Variants in NAB1 observed in about 807,000 individuals in gnomAD.
NAB1 encodes NGFI-A-binding protein 1.
In NAB1, 25 loss-of-function variants were observed where a neutral mutation model predicts 49.9. The observed-to-expected ratio is 0.50, with a 90% CI of 0.37 to 0.70. The LOEUF is 0.70. Among genes scored for constraint, NAB1 ranks in the 30% least tolerant of loss-of-function variants. The pLI, the probability that NAB1 is intolerant of heterozygous loss-of-function variation, is 0.00. For synonymous variants in NAB1, 198 were observed against 215.6 expected, an observed-to-expected ratio of 0.92 and a Z score of 0.71; for missense variants, 489 against 575.9, an observed-to-expected ratio of 0.85 and a Z score of 1.54.
Position 190,683,759 on chromosome 2 carries a change from G to C in NAB1, c.1027G>C (p.Asp343His). 3 of 1,613,220 alleles carry C rather than the reference G, an allele frequency of 1.9e-6. No individual in the cohort carries two copies. Among genetic ancestry groups the C allele is most frequent in the Non-Finnish European group, 2.5e-6 (3 of 1,179,764 alleles). The change falls in exon 7 of 10, where the codon GAT becomes CAT. Residue 343 changes from aspartate to histidine, a missense_variant. By Grantham distance (81) the Asp-to-His change is moderately conservative. This residue lies in a region of NAB1 where 212 missense variants were observed against 199.3 expected (regional missense o/e 1.06). Transcript: ENST00000337386. ...KVEDGFPDFQ[D>H]SVQTLFQQAR... The stretch of plus-strand genomic sequence containing the variant: ...ACAGGATGGGTTTCCAGATTTCCAG[G>C]ATTCTGTGCAAACACTCTTCCAGCA...
intron 2 of NAB1, among the ~76,000 whole-genome samples, chr2:190,650,763 A>G (rs1454005610): frequency 6.6e-6 from 1 of 152,214 alleles, no homozygotes. Flanking sequence ...TATTGGTGTC[A>G]TTTAAGACAT....
rs1309036300 is a variant in NAB1 at position 190,689,627 on chromosome 2, CTG to C, written c.1376-616_1376-615del. 6.6e-6 allele frequency among the ~76,000 whole-genome samples: 1 copy of C among 152,086 alleles called. No individual in the cohort carries two copies. Among genetic ancestry groups the C allele is most frequent in the African/African-American group, 2.4e-5 (1 of 41,414 alleles). ...TAGTGTTTGTGTATGGTTGAAATAACTGTACACATAGAACTCCATGGAATGAT... is the reference window on the plus strand; with the variant it reads ...TAGTGTTTGTGTATGGTTGAAATAACTACACATAGAACTCCATGGAATGAT... On this transcript the variant is annotated intron_variant, in intron 9 of 9. Transcript: ENST00000337386. The surrounding 1 kb of genome is among the most constrained non-coding windows in gnomAD (Gnocchi z 4.3).
chr2:190,672,617 C>G (rs950877233), intron 5 of NAB1, among the ~76,000 whole-genome samples: 1 of 152,008 alleles, frequency 6.6e-6, no homozygotes, highest in Non-Finnish European at 1.5e-5. Flanking sequence ...TAAATTATTC[C>G]TACTGAACCA....
intron 4 of NAB1, among the ~76,000 whole-genome samples, chr2:190,662,989 C>A (rs1694303084): frequency 6.6e-6 from 1 of 152,150 alleles, no homozygotes; most frequent in South Asian, 2.1e-4. Flanking sequence ...CTGAGTGTTT[C>A]AGAGGAGGCC....
Position 190,652,708 on chromosome 2 carries a change from C to T in NAB1, c.-197+2726C>T, listed in dbSNP as rs1481187667. The stretch of plus-strand genomic sequence containing the variant: ...CAGAAGTATCTTGACTTATATGGTA[C>T]ACCACTGAATGCTTACTAATATGTG... On this transcript the variant is annotated intron_variant, in intron 2 of 9. Transcript: ENST00000337386. The surrounding 1 kb of genome is among the most constrained non-coding windows in gnomAD (Gnocchi z 4.2). 1.3e-5 allele frequency among the ~76,000 whole-genome samples: 2 copies of T among 152,160 alleles called. No homozygotes were observed. Among genetic ancestry groups the T allele is most frequent in the African/African-American group, 4.8e-5 (2 of 41,430 alleles).
At position 190,673,836 on chromosome 2, in the gene NAB1, C is replaced by T. The variant is rs10931468; in HGVS notation, c.1005+684C>T. ...TAAGAAAAACATACTTAGGACTCTC[C>T]GAACTATAGAATGGTTTCAGAACTA... On this transcript the variant is annotated intron_variant, in intron 6 of 9. Transcript: ENST00000337386. Among the ~76,000 whole-genome samples the T allele has an allele frequency of 1.8e-4, 27 of 152,094 alleles. No individual in the cohort carries two copies. The Middle Eastern group carries it at 0.014, about 77-fold the overall frequency.
rs181950284 is a variant in NAB1 at position 190,670,143 on chromosome 2, G to A, written c.820-183G>A. Among the ~76,000 whole-genome samples, 1 of 152,170 alleles carries A rather than the reference G, an allele frequency of 6.6e-6. No homozygotes were observed. The highest frequency in any genetic ancestry group is 6.5e-5 in the Admixed American group (1 of 15,278). On this transcript the variant is annotated intron_variant, in intron 4 of 9. Coordinates refer to ENST00000337386, the MANE Select transcript of NAB1 (RefSeq NM_005966.4). The surrounding 1 kb of genome is among the most constrained non-coding windows in gnomAD (Gnocchi z 5.3). ...TTAATTTGGGCTCTGTGAGATGGCA[G>A]ATGAGTTGGTTTTCTTCTGAAATTC... is the stretch of plus-strand genomic sequence containing the variant.
At chr2:190,655,191 G>A (rs1238532869) in intron 2 of NAB1, among the ~76,000 whole-genome samples, 2 of 152,232 alleles carry the variant, frequency 1.3e-5, no homozygotes, top group Non-Finnish European at 2.9e-5. Flanking sequence ...TGTTAAGTGA[G>A]TTTTACTGAA....
intron 6 of NAB1, 152 bp from the exon 7 acceptor site, chr2:190,683,586 A>G: frequency 1.7e-6 from 1 of 579,392 alleles, no homozygotes; most frequent in Non-Finnish European, 3.0e-6. Flanking sequence ...TATGTTTCAT[A>G]AAAGGCTGAA....
intron 6 of NAB1, among the ~76,000 whole-genome samples, chr2:190,681,174 G>C (rs1034544135): frequency 7.2e-5 from 11 of 152,210 alleles, no homozygotes; most frequent in Non-Finnish European, 1.5e-4. Context: ...ACTGAGCATA[G>C]GCTTTGAAGC....
rs1695401147 is a variant in NAB1, at chr2:190,682,548, A to G, written c.1006-1190A>G. Among the ~76,000 whole-genome samples, 2 of 152,360 alleles carry G rather than the reference A, an allele frequency of 1.3e-5. No homozygotes were observed. The highest frequency in any genetic ancestry group is 2.9e-5 in the Non-Finnish European group (2 of 68,038). ...TAGTTTGGATCGTTAGCCACATTTC[A>G]TGTAACAAAATTAATTTCAGATAGG... On this transcript the variant is annotated intron_variant, in intron 6 of 9. Coordinates refer to ENST00000337386, the MANE Select transcript of NAB1 (RefSeq NM_005966.4). This position sits in a 1 kb window ranked among gnomAD's most constrained non-coding sequence, Gnocchi z 4.1.
chr2:190,685,432 TA>T lies in NAB1; in HGVS notation c.1096-43del. On this transcript the variant is annotated intron_variant, in intron 7 of 9. Transcript: ENST00000337386. The surrounding 1 kb of genome is among the most constrained non-coding windows in gnomAD (Gnocchi z 4.5). ...GGCATCTTTAAACCATTAAAAAATCTAGAATGTTTCAGTTACTGATTTGATT... is the reference window on the plus strand; with the variant it reads ...GGCATCTTTAAACCATTAAAAAATCTGAATGTTTCAGTTACTGATTTGATT... The T allele has an allele frequency of 6.5e-6, 10 of 1,528,912 alleles. No individual in the cohort carries two copies. The highest frequency in any genetic ancestry group is 1.4e-5 in the African/African-American group (1 of 72,482). 94.7% of individuals were successfully genotyped at this position (1,528,912 alleles called of 1,614,324 possible). A position where few individuals can be genotyped will look rare whatever the true frequency, so the allele number is the denominator to read the frequency against.
intron 6 of NAB1, among the ~76,000 whole-genome samples, chr2:190,673,962 G>A (rs1247665353): frequency 6.6e-6 from 1 of 152,166 alleles, no homozygotes; most frequent in African/African-American, 2.4e-5. Flanking sequence ...AGGGGATGGA[G>A]GTCAGTGTTC....
rs1462127540 is a variant in NAB1, at chr2:190,685,528, G to C, written c.1148G>C (p.Gly383Ala). 5.6e-6 allele frequency: 9 copies of C among 1,613,864 alleles called. No individual in the cohort carries two copies. The East Asian group carries it at 8.9e-5, about 16-fold the overall frequency. ...KQMEFLCNQA[G>A]YERLQHAERR... ...ATGGAGTTCCTTTGCAACCAAGCTG[G>C]CTATGAGAGACTGCAGCATGCCGAG... Residue 383 changes from glycine (G) to alanine (A), a missense_variant, in exon 8 of 10, where the codon GGC becomes GCC. This residue lies in a region of NAB1 where 212 missense variants were observed against 199.3 expected (regional missense o/e 1.06). Transcript: ENST00000337386. This position sits in a 1 kb window ranked among gnomAD's most constrained non-coding sequence, Gnocchi z 4.5.
In NAB1 at chr2:190,689,510, G is replaced by A. The variant is rs1389908342; in HGVS notation, c.1376-735G>A. On this transcript the variant is annotated intron_variant, in intron 9 of 9. Transcript: ENST00000337386. The surrounding 1 kb of genome is among the most constrained non-coding windows in gnomAD (Gnocchi z 4.3). ...ACTTTCTAGAATCCAAGGTGTGAGT[G>A]TATGTGATGTGGATGTTTGCATGTA... 2.0e-5 allele frequency among the ~76,000 whole-genome samples: 3 copies of A among 152,136 alleles called. No homozygotes were observed. The highest frequency in any genetic ancestry group is 4.4e-5 in the Non-Finnish European group (3 of 68,016).
intron 5 of NAB1, among the ~76,000 whole-genome samples, chr2:190,671,527 G>A (rs992867799): frequency 6.6e-6 from 1 of 151,702 alleles, no homozygotes; most frequent in African/African-American, 2.4e-5. Flanking sequence ...GAGCTGATTC[G>A]CTGATTTTTA....
rs1288726911 is a variant in NAB1, at chr2:190,676,021, A to G, written c.1005+2869A>G. Reference sequence around the variant, plus strand: ...TTATGAGGTAGATAGTACTGGCTGTATAAAGTTACCACTCCCTTAAAACTT... The same window carrying G: ...TTATGAGGTAGATAGTACTGGCTGTGTAAAGTTACCACTCCCTTAAAACTT... On this transcript the variant is annotated intron_variant, in intron 6 of 9. Transcript: ENST00000337386. The surrounding 1 kb of genome is among the most constrained non-coding windows in gnomAD (Gnocchi z 4.6). 2.6e-5 allele frequency among the ~76,000 whole-genome samples: 4 copies of G among 152,214 alleles called. No individual in the cohort carries two copies. The highest frequency in any genetic ancestry group is 4.4e-5 in the Non-Finnish European group (3 of 68,050).
rs1001032137 is a variant in NAB1, at chr2:190,679,940, G to A, written c.1006-3798G>A. On this transcript the variant is annotated intron_variant, in intron 6 of 9. Coordinates refer to ENST00000337386, the MANE Select transcript of NAB1 (RefSeq NM_005966.4). This position sits in a 1 kb window ranked among gnomAD's most constrained non-coding sequence, Gnocchi z 5.3. ...CTTACCTGGCTTATCTACACACGGA[G>A]GTCTCACTAGCAAATGAGCTCAACC... Among the ~76,000 whole-genome samples, 2 of 152,134 alleles carry A rather than the reference G, an allele frequency of 1.3e-5. No homozygotes were observed. Among genetic ancestry groups the A allele is most frequent in the East Asian group, 1.9e-4 (1 of 5,196 alleles).
At chr2:190,681,170 C>T (rs1695320927) in intron 6 of NAB1, among the ~76,000 whole-genome samples, 1 of 152,084 alleles carries the variant, frequency 6.6e-6, no homozygotes, top group Admixed American at 6.6e-5. Context: ...ATGGACTGAG[C>T]ATAGGCTTTG....
Sources: allele counts gnomAD v4.1 joint callset (sites outside exome capture counted in the v4.1 genomes callset), GRCh38; gene constraint gnomAD v4.1.1; regional missense constraint gnomAD v4.1.1; non-coding constraint Gnocchi (gnomAD v3.1); transcripts MANE v1.5; gene names NCBI Gene and HGNC (gene_info 2026-07-23, HGNC 2026-07-21).